Variants in CADPS observed in about 807,000 individuals in gnomAD.
CADPS encodes calcium-dependent secretion activator 1.
In CADPS, 57 loss-of-function variants were observed where a neutral mutation model predicts 167.3. The ratio of observed to expected loss-of-function variants is 0.34; its 90% CI spans 0.28 to 0.42. The LOEUF (loss-of-function observed/expected upper bound fraction) is 0.42, where lower values mean the gene tolerates loss of function less well. Ranked by LOEUF, CADPS falls within the 20% of genes least tolerant of loss-of-function variation. The probability of loss-of-function intolerance (pLI) is 1.00; values close to 1 mark genes in which losing one functional copy is unlikely to be tolerated. For missense variants in CADPS, 1,414 were observed against 1,738.1 expected (o/e 0.81, Z 3.32); for synonymous variants, 676 against 635.3 (o/e 1.06, Z -0.96).
At chr3:62,642,329 T>C (rs1333410978) in intron 6 of CADPS, among the ~76,000 whole-genome samples, 1 of 152,076 alleles carries the variant, frequency 6.6e-6, no homozygotes, top group Non-Finnish European at 1.5e-5. Context: ...AGAAGATGAA[T>C]AGGGCAGGAA....
intron 21 of CADPS, 36 bp downstream of exon 21, chr3:62,491,303 C>A (rs763223343): frequency 1.2e-6 from 2 of 1,607,066 alleles, no homozygotes; most frequent in South Asian, 1.1e-5. Context: ...GCCATTTGTA[C>A]CCAAACTCCG....
At position 62,594,171 on chromosome 3, in the gene CADPS, TTA is replaced by T. The variant is rs1195192325; in HGVS notation, c.1326-1425_1326-1424del. On this transcript the variant is annotated intron_variant, in intron 6 of 29. Coordinates refer to ENST00000383710, the MANE Select transcript of CADPS (RefSeq NM_003716.4). ...TTTTTTATTTTTTTTATTTATTTAT[TTA>T]TTTTTTGAGACAGAGTCTCGCTCTG... Among the ~76,000 whole-genome samples the T allele has an allele frequency of 3.1e-3, 464 of 149,310 alleles. 5 individuals are homozygous for T. Among genetic ancestry groups the T allele is most frequent in the South Asian group, 0.016 (77 of 4,734 alleles).
Position 62,646,544 on chromosome 3 carries a change from AC to A in CADPS, c.1204-702del, listed in dbSNP as rs764911370. ...TAAAGAGCCACAGGCTCATAAATTC[AC>A]TTTTTGCTTCACAATAAGATAAGTA... On this transcript the variant is annotated intron_variant, in intron 5 of 29. Coordinates refer to ENST00000383710, the MANE Select transcript of CADPS (RefSeq NM_003716.4). Among the ~76,000 whole-genome samples, 17 of 152,268 alleles carry A rather than the reference AC, an allele frequency of 1.1e-4. No individual in the cohort carries two copies. The East Asian group carries it at 3.3e-3, about 29-fold the overall frequency.
chr3:62,854,498 T>C (rs994643519), intron 1 of CADPS, among the ~76,000 whole-genome samples: 3 of 152,224 alleles, frequency 2.0e-5, no homozygotes, highest in African/African-American at 7.2e-5. Flanking sequence ...GGATTGGGTA[T>C]TCTCTGCTGT....
intron 6 of CADPS, among the ~76,000 whole-genome samples, chr3:62,598,570 T>C (rs2059252849): frequency 6.6e-6 from 1 of 151,856 alleles, no homozygotes; most frequent in Non-Finnish European, 1.5e-5. Flanking sequence ...AGGCACAAAT[T>C]CCTATCTCAA....
At chr3:62,519,571 G>A (rs143017332) in intron 13 of CADPS, among the ~76,000 whole-genome samples, 15 of 152,244 alleles carry the variant, frequency 9.9e-5, no homozygotes, top group African/African-American at 3.4e-4. Flanking sequence ...ACAACAGGTA[G>A]GTTGCCTTCA....
intron 26 of CADPS, among the ~76,000 whole-genome samples, chr3:62,449,719 G>A (rs937482578): frequency 2.0e-5 from 3 of 152,010 alleles, no homozygotes; most frequent in Non-Finnish European, 2.9e-5. Context: ...TGAACAAAAC[G>A]CAAATTTCTT....
chr3:62,431,733 A>T (rs1217829126), intron 28 of CADPS, among the ~76,000 whole-genome samples: 1 of 152,012 alleles, frequency 6.6e-6, no homozygotes, highest in African/African-American at 2.4e-5. Flanking sequence ...GCTGTAAAGA[A>T]TATTTTGGGG....
intron 28 of CADPS, among the ~76,000 whole-genome samples, chr3:62,436,740 A>G (rs1030310347): frequency 2.0e-5 from 3 of 152,194 alleles, no homozygotes; most frequent in African/African-American, 7.2e-5. Context: ...GACATGAGAG[A>G]TAAGTTCCAT....
intron 11 of CADPS, among the ~76,000 whole-genome samples, chr3:62,548,846 C>G (rs189548804): frequency 6.6e-6 from 1 of 152,340 alleles, no homozygotes. Context: ...TAATGTCTCT[C>G]CTTCTCACTC....
chr3:62,716,367 C>G (rs1284922014), intron 3 of CADPS, among the ~76,000 whole-genome samples: 1 of 152,150 alleles, frequency 6.6e-6, no homozygotes, highest in Non-Finnish European at 1.5e-5. Flanking sequence ...GATAATAAAT[C>G]TAGATTTAGT....
intron 3 of CADPS, among the ~76,000 whole-genome samples, chr3:62,744,831 T>G (rs2081111368): frequency 6.6e-6 from 1 of 152,232 alleles, no homozygotes; most frequent in African/African-American, 2.4e-5. Flanking sequence ...CCCTGCTCCT[T>G]AGATGCAGGA....
At chr3:62,720,058 A>G (rs1386162766) in intron 3 of CADPS, among the ~76,000 whole-genome samples, 4 of 152,182 alleles carry the variant, frequency 2.6e-5, no homozygotes, top group Non-Finnish European at 2.9e-5. Context: ...GACACAAAAC[A>G]CAACAAAGAA....
At chr3:62,552,602 G>A (rs2077491705) in intron 10 of CADPS, among the ~76,000 whole-genome samples, 1 of 152,158 alleles carries the variant, frequency 6.6e-6, no homozygotes, top group African/African-American at 2.4e-5. Flanking sequence ...TTTCCAGTGA[G>A]GTCCAGCCAG....
intron 6 of CADPS, among the ~76,000 whole-genome samples, chr3:62,599,617 A>G (rs1428135928): frequency 1.9e-5 from 1 of 52,862 alleles, no homozygotes; most frequent in Non-Finnish European, 3.3e-5. Flanking sequence ...TATATTATAT[A>G]TAATATATAA....
intron 28 of CADPS, among the ~76,000 whole-genome samples, chr3:62,414,994 C>T (rs1055026829): frequency 6.6e-6 from 1 of 152,048 alleles, no homozygotes; most frequent in Non-Finnish European, 1.5e-5. Flanking sequence ...TGGGCAAAAG[C>T]GGGACACAGA....
rs1245082962 is a variant in CADPS, at chr3:62,421,978, C to T, written c.3777+16126G>A. 6.6e-6 allele frequency among the ~76,000 whole-genome samples: 1 copy of T among 152,186 alleles called. No individual in the cohort carries two copies. The highest frequency in any genetic ancestry group is 1.5e-5 in the Non-Finnish European group (1 of 68,016). On this transcript the variant is annotated intron_variant, in intron 28 of 29. Transcript: ENST00000383710. The surrounding 1 kb of genome is among the most constrained non-coding windows in gnomAD (Gnocchi z 4.7). Reference sequence around the variant, plus strand: ...TTACATATTTCTTTTGATAAGCCTCCTTGCCTGGCTAAGCTTACAAAGACT... The same window carrying T: ...TTACATATTTCTTTTGATAAGCCTCTTTGCCTGGCTAAGCTTACAAAGACT...
At chr3:62,492,100 G>A (rs1051986933) in intron 20 of CADPS, among the ~76,000 whole-genome samples, 190 bp downstream of exon 20, 1 of 152,100 alleles carries the variant, frequency 6.6e-6, no homozygotes, top group African/African-American at 2.4e-5. Context: ...AGCGTCCCTA[G>A]AACAGGATAC....
intron 1 of CADPS, among the ~76,000 whole-genome samples, chr3:62,817,601 T>G (rs2094686660): frequency 6.6e-6 from 1 of 152,202 alleles, no homozygotes; most frequent in Non-Finnish European, 1.5e-5. Context: ...ATCTGGAGTT[T>G]CCTTTAAAGA....
Sources: allele counts gnomAD v4.1 joint callset (sites outside exome capture counted in the v4.1 genomes callset), GRCh38; gene constraint gnomAD v4.1.1; non-coding constraint Gnocchi (gnomAD v3.1); transcripts MANE v1.5; gene names NCBI Gene and HGNC (gene_info 2026-07-23, HGNC 2026-07-21).